Variants in MPRIP observed in about 807,000 individuals in gnomAD.
MPRIP encodes myosin phosphatase Rho interacting protein, also known as myosin phosphatase Rho-interacting protein.
Under a neutral mutation model 234.9 loss-of-function variants are expected in MPRIP, and 59 were observed. The ratio of observed to expected loss-of-function variants is 0.25; its 90% CI spans 0.20 to 0.31. MPRIP has a LOEUF of 0.31. Among genes scored for constraint, MPRIP ranks in the 10% least tolerant of loss-of-function variants. MPRIP has a pLI of 1.00. For synonymous variants in MPRIP, 1,144 were observed against 1,263.9 expected (o/e 0.91, Z 2.01); for missense variants, 2,436 against 3,071.0 (o/e 0.79, Z 4.89).
chr17:17,113,886 T>C lies in MPRIP; in HGVS notation c.268-12816T>C, dbSNP rs1316967504. Among the ~76,000 whole-genome samples the C allele has an allele frequency of 2.2e-5, 3 of 134,948 alleles. No individual in the cohort carries two copies. In the South Asian group the frequency reaches 7.4e-4, roughly 33 times the overall value. 88.5% of individuals were successfully genotyped at this position (134,948 alleles called of 152,430 possible). On this transcript the variant is annotated intron_variant, in intron 3 of 23. Coordinates refer to ENST00000651222, the MANE Select transcript of MPRIP (RefSeq NM_001364716.4). ...TTGCATTTTCTTTTCTTTTCTTTTC[T>C]TTTTTTTTTTTTTTTTTTACTTAAG...
At chr17:17,064,930 A>G (rs937162364) in intron 1 of MPRIP, among the ~76,000 whole-genome samples, 3 of 152,204 alleles carry the variant, frequency 2.0e-5, no homozygotes, top group Non-Finnish European at 4.4e-5. Flanking sequence ...AAAAACTGCC[A>G]AACTGTCTCA....
At chr17:17,096,989 G>T in intron 3 of MPRIP, 1 of 339,108 alleles carries the variant, frequency 2.9e-6, no homozygotes, top group Non-Finnish European at 5.9e-6. Context: ...GTGCCTGCCC[G>T]GCTATCGTAG....
chr17:17,168,566 TCCTGGAGCACAAAGGCGAAATGCCAGGC>T (rs1477805532), intron 16 of MPRIP: 3 of 340,748 alleles, frequency 8.8e-6, no homozygotes, highest in Non-Finnish European at 1.7e-5. Flanking sequence ...GCCCCTGAGG[TCCTGGAGCACAAAGGCGAAATGCCAGGC>T]CCTGGAGGTG....
chr17:17,123,946 A>C (rs1367284157), intron 3 of MPRIP, among the ~76,000 whole-genome samples: 2 of 152,196 alleles, frequency 1.3e-5, no homozygotes, highest in African/African-American at 4.8e-5. Flanking sequence ...AAGAGGGCAT[A>C]AAAGGGAGTG....
intron 2 of MPRIP, chr17:17,076,032 C>T (rs901155351): frequency 2.1e-6 from 1 of 478,872 alleles, no homozygotes; most frequent in Non-Finnish European, 3.7e-6. Flanking sequence ...TTTTGTGGGT[C>T]AGGTTGACTC....
At chr17:17,137,394 G>A (rs1057299506) in intron 6 of MPRIP, among the ~76,000 whole-genome samples, 1 of 151,900 alleles carries the variant, frequency 6.6e-6, no homozygotes, top group African/African-American at 2.4e-5. Context: ...CACACCTGTA[G>A]TCCTAGCTAC....
Position 17,174,057 on chromosome 17 carries a change from G to A in MPRIP, c.6732G>A (p.Glu2244=). The part of the protein sequence containing the change: ...ALRQCQRENQ[E]LNAHNQELNN... ...GGCAGTGCCAGCGTGAGAACCAGGA[G>A]CTCAATGCCCACAACCAGGTGAGCC... The change falls in exon 19 of 24, where the codon GAG becomes GAA. Residue 2244 remains glutamate, a synonymous_variant. Transcript: ENST00000651222. The A allele has an allele frequency of 6.2e-7, 1 of 1,613,378 alleles. No individual in the cohort carries two copies. The highest frequency in any genetic ancestry group is 1.3e-5 in the African/African-American group (1 of 75,074).
intron 3 of MPRIP, among the ~76,000 whole-genome samples, chr17:17,117,555 G>C (rs1243159469): frequency 1.3e-5 from 2 of 152,176 alleles, no homozygotes; most frequent in Non-Finnish European, 2.9e-5. Flanking sequence ...TCTTTTTATG[G>C]CTGAATAAAA....
chr17:17,126,954 C>A, intron 4 of MPRIP, 101 bp downstream of exon 4: 1 of 1,383,916 alleles, frequency 7.2e-7, no homozygotes, highest in Non-Finnish European at 1.0e-6. Context: ...TTGTCTACTT[C>A]CCCGTGTGCC....
intron 3 of MPRIP, among the ~76,000 whole-genome samples, chr17:17,111,119 G>T (rs1315444248): frequency 7.3e-6 from 1 of 136,666 alleles, no homozygotes; most frequent in East Asian, 2.3e-4. Context: ...AATCTATTCT[G>T]AAATTAAAAG....
At position 17,131,646 on chromosome 17, in the gene MPRIP, G is replaced by A. The variant is rs372258412; in HGVS notation, c.449G>A (p.Arg150Gln). ...GWLEMLMVYP[R>Q]TNKQNQKKKR... ...CTGGAGATGCTCATGGTCTATCCCC[G>A]GACCAACAAGCAGAATCAGAAGAAG... Residue 150 changes from arginine to glutamine, a missense_variant, in exon 5 of 24, where the codon CGG becomes CAG. Arg to Gln is a conservative substitution (Grantham distance 43). Coordinates refer to ENST00000651222, the MANE Select transcript of MPRIP (RefSeq NM_001364716.4). The A allele has an allele frequency of 1.4e-5, 23 of 1,614,114 alleles. No homozygotes were observed. The highest frequency in any genetic ancestry group is 2.2e-5 in the East Asian group (1 of 44,872).
At chr17:17,090,177 A>G (rs2089682069) in intron 3 of MPRIP, among the ~76,000 whole-genome samples, 1 of 152,248 alleles carries the variant, frequency 6.6e-6, no homozygotes. Context: ...GTGAAGGAAC[A>G]GGGACAGAGC....
chr17:17,129,617 G>A (rs928677838), intron 4 of MPRIP, among the ~76,000 whole-genome samples: 1 of 152,182 alleles, frequency 6.6e-6, no homozygotes, highest in Admixed American at 6.5e-5. Context: ...TAGGCTTGCT[G>A]GAGCCAGCCC....
chr17:17,077,891 G>A (rs1426258445), intron 2 of MPRIP, 120 bp from the exon 3 acceptor site: 1 of 928,864 alleles, frequency 1.1e-6, no homozygotes, highest in Non-Finnish European at 1.7e-6. Flanking sequence ...TGCCCCAGAA[G>A]TGGAATCTGT....
At chr17:17,102,169 T>C (rs1253626313) in intron 3 of MPRIP, among the ~76,000 whole-genome samples, 1 of 152,138 alleles carries the variant, frequency 6.6e-6, no homozygotes, top group African/African-American at 2.4e-5. Flanking sequence ...ATTACAGGCA[T>C]GAGCCACCGC....
intron 3 of MPRIP, among the ~76,000 whole-genome samples, chr17:17,106,239 CTG>C (rs2090060823): frequency 1.3e-5 from 2 of 152,090 alleles, no homozygotes. Context: ...TACTGAGTGA[CTG>C]AATGGGTGAA....
intron 1 of MPRIP, among the ~76,000 whole-genome samples, chr17:17,053,852 G>C (rs1261634869): frequency 6.6e-6 from 1 of 152,194 alleles, no homozygotes; most frequent in Non-Finnish European, 1.5e-5. Context: ...AGCCCCTTGA[G>C]GACTGGAAGG....
At chr17:17,144,109 C>T (rs937176383) in intron 9 of MPRIP, among the ~76,000 whole-genome samples, 5 of 152,220 alleles carry the variant, frequency 3.3e-5, no homozygotes, top group Admixed American at 6.5e-5. Context: ...TCTCCATGGG[C>T]CTCAGAGCTA....
Position 17,176,425 on chromosome 17 carries a change from G to A in MPRIP, c.6871-1G>A. The A allele has an allele frequency of 6.2e-7, 1 of 1,612,022 alleles. No individual in the cohort carries two copies. The highest frequency in any genetic ancestry group is 8.5e-7 in the Non-Finnish European group (1 of 1,178,126). ...GGTCCCTGATCTCTCTGTCATTTTA[G>A]GTCTTATTGCGGGTAAAGGAATCGG... On this transcript the variant is annotated splice_acceptor_variant, in intron 20 of 23. Transcript: ENST00000651222. LOFTEE classifies it high-confidence loss of function.
Sources: gnomAD v4.1 joint callset for allele counts (sites outside exome capture counted in the v4.1 genomes callset) on GRCh38, gnomAD v4.1.1 for gene constraint, MANE v1.5 for transcripts, NCBI Gene and HGNC (gene_info 2026-07-23, HGNC 2026-07-21) for gene names.